The following PTPN12 variants were observed in gnomAD, a reference collection of about 807,000 sequenced individuals.
PTPN12 encodes the protein tyrosine-protein phosphatase non-receptor type 12.
A neutral mutation model predicts 97.6 loss-of-function variants in PTPN12; 29 were observed. That is an observed-to-expected ratio of 0.30 (90% confidence interval 0.22 to 0.41). PTPN12 has a LOEUF of 0.41. Among genes scored for constraint, PTPN12 ranks in the 10% least tolerant of loss-of-function variants. The pLI is 1.00. For synonymous variants in PTPN12, 327 were observed against 300.4 expected (o/e 1.09, Z -0.91); for missense variants, 819 against 926.0 (o/e 0.88, Z 1.50).
At chr7:77,582,215 C>T (rs1787543835) in intron 3 of PTPN12, among the ~76,000 whole-genome samples, 2 of 147,562 alleles carry the variant, frequency 1.4e-5, no homozygotes, top group South Asian at 4.3e-4. Flanking sequence ...CTGCCTTGGT[C>T]TCGATCTCCT....
chr7:77,606,739 G>A (rs1305326389), intron 8 of PTPN12, among the ~76,000 whole-genome samples: 1 of 152,188 alleles, frequency 6.6e-6, no homozygotes, highest in Non-Finnish European at 1.5e-5. Flanking sequence ...AGTATGTCCT[G>A]CTTGCAAGAT....
chr7:77,544,392 C>T (rs35889416), intron 1 of PTPN12, among the ~76,000 whole-genome samples: 9,392 of 152,232 alleles, frequency 0.062, 424 homozygotes, highest in Non-Finnish European at 0.09. Flanking sequence ...TTCACCTAAA[C>T]ATATTTACAT....
intron 11 of PTPN12, 29 bp from the exon 12 acceptor site, chr7:77,618,451 C>T (rs1304553185): frequency 1.4e-6 from 2 of 1,409,208 alleles, no homozygotes; most frequent in Non-Finnish European, 2.0e-6. Context: ...TTTCTCTTAA[C>T]CTTAGTGAAG....
At chr7:77,547,731 C>G (rs917798566) in intron 1 of PTPN12, among the ~76,000 whole-genome samples, 12 of 152,182 alleles carry the variant, frequency 7.9e-5, no homozygotes, top group African/African-American at 2.9e-4. Context: ...AGATCATGGA[C>G]AGTTTCCACA....
At chr7:77,589,560 A>C (rs1397030845) in intron 5 of PTPN12, among the ~76,000 whole-genome samples, 1 of 152,168 alleles carries the variant, frequency 6.6e-6, no homozygotes, top group East Asian at 1.9e-4. Context: ...TTTTTCAGTA[A>C]GCAATATATT....
At chr7:77,630,199 T>G (rs1306941279) in intron 13 of PTPN12, among the ~76,000 whole-genome samples, 2 of 152,226 alleles carry the variant, frequency 1.3e-5, no homozygotes, top group African/African-American at 4.8e-5. Flanking sequence ...TATGGATTAT[T>G]TACTTTATAG....
chr7:77,607,236 G>A lies in PTPN12; in HGVS notation c.697G>A (p.Ala233Thr). The A allele has an allele frequency of 1.2e-6, 2 of 1,603,164 alleles. No individual in the cohort carries two copies. The highest frequency in any genetic ancestry group is 1.1e-5 in the South Asian group (1 of 89,030). ...GTTTTTCAAACTTTATATCCTTAGT[G>A]CAGGCTGTGGAAGAACAGGTGCCAT... ...EDVPICIHCS[A>T]GCGRTGAICA... Residue 233 changes from alanine to threonine, a missense_variant and splice_region_variant, in exon 9 of 18, where the codon GCA becomes ACA. By Grantham distance (58) the Ala-to-Thr change is moderately conservative (BLOSUM62 0). Transcript: ENST00000248594.
intron 9 of PTPN12, 83 bp from the exon 10 acceptor site, chr7:77,610,682 A>G: frequency 7.4e-7 from 1 of 1,356,704 alleles, no homozygotes; most frequent in Non-Finnish European, 1.0e-6. Context: ...GCAGGTATTT[A>G]AGTTTTATGT....
intron 2 of PTPN12, 83 bp downstream of exon 2, chr7:77,571,269 T>C: frequency 3.8e-6 from 3 of 783,246 alleles, no homozygotes; most frequent in Non-Finnish European, 6.2e-6. Context: ...CTTCCTGAGT[T>C]TCACTGTTAA....
chr7:77,573,725 G>A (rs867353906), intron 2 of PTPN12, among the ~76,000 whole-genome samples: 6 of 152,060 alleles, frequency 3.9e-5, no homozygotes, highest in Admixed American at 1.3e-4. Flanking sequence ...TTTTTCTGTC[G>A]TCTAGCCGTA....
intron 2 of PTPN12, among the ~76,000 whole-genome samples, chr7:77,580,337 A>G (rs1021872533): frequency 2.0e-5 from 3 of 152,200 alleles, no homozygotes; most frequent in Admixed American, 6.5e-5. Flanking sequence ...TGTATTTTAA[A>G]ATAATAGTAA....
intron 8 of PTPN12, chr7:77,604,973 C>A (rs985932388): frequency 1.0e-5 from 3 of 300,960 alleles, no homozygotes; most frequent in Middle Eastern, 4.1e-4. Context: ...TGTTCCTGAA[C>A]TTTCTATTGT....
intron 1 of PTPN12, among the ~76,000 whole-genome samples, chr7:77,541,113 C>T (rs372841128): frequency 6.6e-6 from 1 of 152,118 alleles, no homozygotes; most frequent in Admixed American, 6.5e-5. Context: ...GTTTTTGAGA[C>T]AGGGTCTCAC....
intron 8 of PTPN12, among the ~76,000 whole-genome samples, chr7:77,605,480 C>T (rs544520360): frequency 7.2e-5 from 9 of 124,468 alleles, no homozygotes; most frequent in Non-Finnish European, 1.2e-4. Context: ...AGTGCAATGG[C>T]GTGATCTCAG....
chr7:77,561,366 G>A (rs1239190916), intron 1 of PTPN12, among the ~76,000 whole-genome samples: 1 of 152,134 alleles, frequency 6.6e-6, no homozygotes, highest in Non-Finnish European at 1.5e-5. Flanking sequence ...ATGCCTGTTG[G>A]AGATTATTGG....
At chr7:77,591,987 T>G (rs1787881170) in intron 5 of PTPN12, among the ~76,000 whole-genome samples, 198 bp from the exon 6 acceptor site, 1 of 152,216 alleles carries the variant, frequency 6.6e-6, no homozygotes, top group Non-Finnish European at 1.5e-5. Context: ...TTCTTATGAC[T>G]ATTCTTGGAG....
At chr7:77,605,798 G>C (rs1370159620) in intron 8 of PTPN12, among the ~76,000 whole-genome samples, 1 of 151,970 alleles carries the variant, frequency 6.6e-6, no homozygotes, top group African/African-American at 2.4e-5. Flanking sequence ...TGGGATATGA[G>C]AGCATATCAT....
chr7:77,559,004 ACT>A (rs200247765), intron 1 of PTPN12, among the ~76,000 whole-genome samples: 8 of 147,468 alleles, frequency 5.4e-5, no homozygotes, highest in African/African-American at 1.6e-4. Context: ...GCAGAACAAG[ACT>A]CTCTCTCTGA....
chr7:77,605,409 G>GTTTTTTTTTTTTTTGTTTTTTTT (rs1788331453), intron 8 of PTPN12, among the ~76,000 whole-genome samples: 1 of 95,560 alleles, frequency 1.0e-5, no homozygotes, highest in African/African-American at 4.1e-5. Context: ...TTTGTCATGA[G>GTTTTTTTTTTTTTTGTTTTTTTT]TTTTTTTTTT....
Sources: gnomAD v4.1 joint callset for allele counts (sites outside exome capture counted in the v4.1 genomes callset) on GRCh38, gnomAD v4.1.1 for gene constraint, MANE v1.5 for transcripts, NCBI Gene and HGNC (gene_info 2026-07-23, HGNC 2026-07-21) for gene names.